HTR2C: variants seen among roughly 807,000 people sequenced by gnomAD.
HTR2C encodes 5-hydroxytryptamine (serotonin) receptor 2C, G protein-coupled.
HTR2C carries 5 observed loss-of-function variants against 21.0 expected under a neutral mutation model. The observed-to-expected ratio is 0.24, with a 90% CI of 0.12 to 0.50. The LOEUF (loss-of-function observed/expected upper bound fraction) is 0.50. Ranked by LOEUF, HTR2C falls within the 20% of genes least tolerant of loss-of-function variation. The pLI is 0.98. For synonymous variants in HTR2C, 150 were observed against 145.3 expected (o/e 1.03, Z -0.23); for missense variants, 271 against 371.2 (o/e 0.73, Z 2.22).
intron 2 of HTR2C, among the ~76,000 whole-genome samples, chrX:114,661,338 A>T (rs1267146366): frequency 9.1e-6 from 1 of 110,453 alleles, no homozygotes; most frequent in Non-Finnish European, 1.9e-5. Context: ...GCTACTCGGG[A>T]GGCTGAGGCC....
At chrX:114,854,214 G>T (rs1437999375) in intron 5 of HTR2C, among the ~76,000 whole-genome samples, 1 of 111,065 alleles carries the variant, frequency 9.0e-6, no homozygotes, top group Non-Finnish European at 1.9e-5. Flanking sequence ...CAGAGAGTTT[G>T]CCTTTATATG....
At chrX:114,855,595 A>G (rs1396935621) in intron 5 of HTR2C, among the ~76,000 whole-genome samples, 6 of 109,991 alleles carry the variant, frequency 5.5e-5, no homozygotes, top group African/African-American at 2.0e-4. Flanking sequence ...CAAGTCATCC[A>G]TTATTGAGAA....
At chrX:114,810,891 C>A (rs1265376636) in intron 4 of HTR2C, among the ~76,000 whole-genome samples, 1 of 110,559 alleles carries the variant, frequency 9.0e-6, no homozygotes, top group East Asian at 2.8e-4. Context: ...AAAATTTGTA[C>A]CCCTCACACC....
intron 2 of HTR2C, among the ~76,000 whole-genome samples, chrX:114,695,384 C>G (rs1352734619): frequency 9.0e-6 from 1 of 111,354 alleles, no homozygotes; most frequent in African/African-American, 3.3e-5. Flanking sequence ...TGAGTAGAGA[C>G]AAGAAACAAC....
At chrX:114,633,233 G>T in intron 2 of HTR2C, among the ~76,000 whole-genome samples, 1 of 110,872 alleles carries the variant, frequency 9.0e-6, no homozygotes, top group South Asian at 3.8e-4. Flanking sequence ...ATTTTATTTG[G>T]AAATTTGAGG....
chrX:114,858,387 C>T (rs1425743007), intron 5 of HTR2C, among the ~76,000 whole-genome samples: 2 of 110,964 alleles, frequency 1.8e-5, no homozygotes, highest in African/African-American at 6.5e-5. Context: ...TTCTTTAATA[C>T]TCTGTTATGT....
intron 4 of HTR2C, among the ~76,000 whole-genome samples, chrX:114,835,317 A>G (rs2070771100): frequency 9.5e-6 from 1 of 105,242 alleles, no homozygotes; most frequent in Non-Finnish European, 1.9e-5. Context: ...ACTTGGTTCC[A>G]TTCTCCCCAT....
intron 1 of HTR2C, among the ~76,000 whole-genome samples, chrX:114,601,468 T>G (rs1602627389): frequency 4.1e-5 from 4 of 98,499 alleles, no homozygotes; most frequent in Non-Finnish European, 6.1e-5. Flanking sequence ...CGGGCAGGAG[T>G]GGGGGTCGCA....
intron 2 of HTR2C, among the ~76,000 whole-genome samples, chrX:114,632,342 A>C (rs1929663234): frequency 8.9e-6 from 1 of 111,812 alleles, no homozygotes; most frequent in African/African-American, 3.2e-5. Flanking sequence ...CTCCCACAAA[A>C]AGGACATGGC....
At chrX:114,586,491 C>T (rs1927400501) in intron 1 of HTR2C, among the ~76,000 whole-genome samples, 1 of 111,886 alleles carries the variant, frequency 8.9e-6, no homozygotes, top group Non-Finnish European at 1.9e-5. Context: ...ACAAGCCCAA[C>T]GCAAGTCCTG....
intron 2 of HTR2C, among the ~76,000 whole-genome samples, chrX:114,693,185 T>A (rs1932161392): frequency 9.0e-6 from 1 of 111,049 alleles, no homozygotes; most frequent in African/African-American, 3.3e-5. Flanking sequence ...GTTTGTTAGG[T>A]AAGATAGAGC....
intron 5 of HTR2C, among the ~76,000 whole-genome samples, chrX:114,850,418 A>C (rs781870822): frequency 9.9e-5 from 11 of 111,075 alleles, no homozygotes; most frequent in African/African-American, 1.3e-4. Context: ...CACACACAAA[A>C]AAAATTAATT....
chrX:114,790,413 TAA>T (rs2070219982), intron 4 of HTR2C, among the ~76,000 whole-genome samples: 1 of 111,800 alleles, frequency 8.9e-6, no homozygotes, highest in Admixed American at 9.6e-5. Flanking sequence ...TTGAAGGAAA[TAA>T]AGTTTAAAAA....
chrX:114,734,230 C>T (rs57780263), intron 4 of HTR2C, among the ~76,000 whole-genome samples: 4,013 of 109,715 alleles, frequency 0.037, 195 homozygotes, highest in African/African-American at 0.13. Context: ...GAAGATGAGA[C>T]GAAGAAAGAA....
At chrX:114,671,648 G>A (rs1404604204) in intron 2 of HTR2C, among the ~76,000 whole-genome samples, 1 of 111,849 alleles carries the variant, frequency 8.9e-6, no homozygotes, top group Non-Finnish European at 1.9e-5. Context: ...AATATGTAAT[G>A]TTCCTTAATG....
intron 4 of HTR2C, chrX:114,775,465 G>C (rs1556438493): frequency 2.0e-6 from 1 of 507,723 alleles, no homozygotes; most frequent in East Asian, 3.7e-5. Context: ...ACACCAGGCT[G>C]GTTGTCAGAA....
intron 4 of HTR2C, among the ~76,000 whole-genome samples, chrX:114,754,575 C>T (rs2069792599): frequency 9.0e-6 from 1 of 110,979 alleles, no homozygotes; most frequent in Admixed American, 9.6e-5. Context: ...GAAAATGGTC[C>T]TCCATAGGTA....
intron 4 of HTR2C, among the ~76,000 whole-genome samples, chrX:114,745,415 A>G (rs2069693030): frequency 1.8e-5 from 2 of 112,062 alleles, no homozygotes; most frequent in Admixed American, 9.5e-5. Flanking sequence ...TAAACTAAAA[A>G]TTGAGCTGCT....
intron 4 of HTR2C, among the ~76,000 whole-genome samples, chrX:114,796,141 C>T (rs1556445218): frequency 1.8e-5 from 2 of 111,514 alleles, no homozygotes; most frequent in South Asian, 7.5e-4. Flanking sequence ...TAAGTAGCTG[C>T]AAACATCTGA....
Sources: gnomAD v4.1 joint callset for allele counts (sites outside exome capture counted in the v4.1 genomes callset) on GRCh38, gnomAD v4.1.1 for gene constraint, MANE v1.5 for transcripts, NCBI Gene and HGNC (gene_info 2026-07-23, HGNC 2026-07-21) for gene names.